Variants in PCDH15 observed in about 807,000 individuals in gnomAD.
PCDH15 encodes the protein protocadherin related 15.
In PCDH15, 129 loss-of-function variants were observed where a neutral mutation model predicts 178.5. That is an observed-to-expected ratio of 0.72 (90% CI 0.63 to 0.84). The LOEUF (loss-of-function observed/expected upper bound fraction) is 0.84. Among genes scored for constraint, PCDH15 ranks in the 40% least tolerant of loss-of-function variants. The pLI, the probability that PCDH15 is intolerant of heterozygous loss-of-function variation, is 0.00. For synonymous variants in PCDH15, 800 were observed against 732.0 expected, an observed-to-expected ratio of 1.09 and a Z score of -1.50; for missense variants, 2,230 against 2,099.9, an observed-to-expected ratio of 1.06 and a Z score of -1.21.
chr10:55,243,410 G>T (rs781449854), intron 1 of PCDH15, among the ~76,000 whole-genome samples: 3 of 152,156 alleles, frequency 2.0e-5, no homozygotes, highest in Non-Finnish European at 4.4e-5. Flanking sequence ...TACTTAGAAA[G>T]AAAATTTATG....
At chr10:55,107,595 G>A (rs1040556979) in intron 2 of PCDH15, among the ~76,000 whole-genome samples, 3 of 146,312 alleles carry the variant, frequency 2.1e-5, no homozygotes, top group African/African-American at 7.6e-5. Flanking sequence ...GGGTTCAAGC[G>A]ATTCTACTGC....
At chr10:54,271,056 T>G (rs908842543) in intron 8 of PCDH15, among the ~76,000 whole-genome samples, 8 of 152,156 alleles carry the variant, frequency 5.3e-5, no homozygotes, top group African/African-American at 1.9e-4. Context: ...TCACTAAATT[T>G]TTCCAGAAAG....
chr10:54,703,225 C>A (rs1227107307), intron 1 of PCDH15, among the ~76,000 whole-genome samples: 1 of 151,842 alleles, frequency 6.6e-6, no homozygotes, highest in African/African-American at 2.4e-5. Context: ...AGTAAACATA[C>A]CACAAAATAG....
At chr10:55,003,796 C>G (rs774178933) in intron 2 of PCDH15, among the ~76,000 whole-genome samples, 10 of 150,366 alleles carry the variant, frequency 6.7e-5, no homozygotes, top group Non-Finnish European at 1.5e-4. Flanking sequence ...GGCCTCATAC[C>G]TTATCTACAC....
chr10:54,604,055 T>C (rs1038517281), intron 2 of PCDH15, among the ~76,000 whole-genome samples: 1 of 135,614 alleles, frequency 7.4e-6, no homozygotes, highest in African/African-American at 2.8e-5. Context: ...GAGTGTATTG[T>C]TTAGCTTCCA....
chr10:54,553,983 T>G (rs948359548), intron 2 of PCDH15, among the ~76,000 whole-genome samples: 1 of 152,138 alleles, frequency 6.6e-6, no homozygotes, highest in Non-Finnish European at 1.5e-5. Context: ...CATGACTGTC[T>G]TTCAAAAAGG....
At chr10:55,235,049 T>A (rs148630643) in intron 1 of PCDH15, among the ~76,000 whole-genome samples, 154 of 151,870 alleles carry the variant, frequency 1.0e-3, no homozygotes, top group South Asian at 2.3e-3. Context: ...CACCTCAATA[T>A]AAAAGTCACG....
At chr10:53,840,245 T>C in intron 29 of PCDH15, 75 bp downstream of exon 29, 1 of 1,511,952 alleles carries the variant, frequency 6.6e-7, no homozygotes, top group African/African-American at 1.4e-5. Flanking sequence ...TTTAAGTACT[T>C]ATAGCCTCAA....
chr10:54,737,737 T>C (rs1432719849), intron 1 of PCDH15, among the ~76,000 whole-genome samples: 1 of 152,108 alleles, frequency 6.6e-6, no homozygotes, highest in Non-Finnish European at 1.5e-5. Context: ...GGCAAATAAA[T>C]AATTAAATAT....
chr10:54,053,303 C>T (rs1293972417), intron 18 of PCDH15, among the ~76,000 whole-genome samples: 3 of 152,108 alleles, frequency 2.0e-5, no homozygotes, highest in African/African-American at 4.8e-5. Flanking sequence ...ATCTTCATTA[C>T]AAAACTTTAC....
chr10:55,317,200 A>T (rs1377799690), intron 1 of PCDH15, among the ~76,000 whole-genome samples: 6 of 152,196 alleles, frequency 3.9e-5, no homozygotes, highest in Non-Finnish European at 7.4e-5. Flanking sequence ...ATTGGTCTCA[A>T]CACATTGTTG....
intron 25 of PCDH15, among the ~76,000 whole-genome samples, chr10:53,931,570 T>A (rs1309980906): frequency 1.3e-5 from 2 of 152,154 alleles, no homozygotes; most frequent in African/African-American, 4.8e-5. Flanking sequence ...TTCTACAGTC[T>A]CACTGAAACA....
At chr10:55,364,606 T>C (rs1845308122) in intron 2 of PCDH15, among the ~76,000 whole-genome samples, 1 of 152,146 alleles carries the variant, frequency 6.6e-6, no homozygotes, top group South Asian at 2.1e-4. Flanking sequence ...CTATATTATT[T>C]TGTGTCTTTT....
chr10:55,451,165 C>T (rs1464107656), intron 2 of PCDH15, among the ~76,000 whole-genome samples: 2 of 151,820 alleles, frequency 1.3e-5, no homozygotes, highest in Non-Finnish European at 2.9e-5. Context: ...TGCCACACTG[C>T]CCTGGCCTAT....
intron 16 of PCDH15, among the ~76,000 whole-genome samples, chr10:54,082,035 C>T (rs545910621): frequency 6.6e-6 from 1 of 152,262 alleles, no homozygotes; most frequent in East Asian, 1.9e-4. Flanking sequence ...TTTGACTTGT[C>T]TTTATCCTAC....
At chr10:54,200,669 C>T (rs1013661413) in intron 10 of PCDH15, among the ~76,000 whole-genome samples, 8 of 152,124 alleles carry the variant, frequency 5.3e-5, no homozygotes, top group African/African-American at 1.7e-4. Flanking sequence ...CCTTATCTTA[C>T]TTGACCTATC....
At chr10:54,626,502 A>G (rs1221848518) in intron 2 of PCDH15, among the ~76,000 whole-genome samples, 1 of 152,196 alleles carries the variant, frequency 6.6e-6, no homozygotes, top group African/African-American at 2.4e-5. Context: ...CTGTGGCTTC[A>G]GAGGGTGCAG....
At chr10:54,239,432 T>TATAG (rs1554853331) in intron 8 of PCDH15, among the ~76,000 whole-genome samples, 1 of 150,560 alleles carries the variant, frequency 6.6e-6, no homozygotes, top group African/African-American at 2.4e-5. Flanking sequence ...TATATATATA[T>TATAG]AGAGTAAGAA....
At chr10:54,073,858 G>T (rs72794998) in intron 17 of PCDH15, among the ~76,000 whole-genome samples, 25,838 of 151,980 alleles carry the variant, frequency 0.17, 2,730 homozygotes, top group Non-Finnish European at 0.25. Flanking sequence ...TGTGTTATTG[G>T]TTGATTAACA....
Sources: allele counts gnomAD v4.1 joint callset (sites outside exome capture counted in the v4.1 genomes callset), GRCh38; gene constraint gnomAD v4.1.1; transcripts MANE v1.5; gene names NCBI Gene and HGNC (gene_info 2026-07-23, HGNC 2026-07-21).